CSMD1: variants seen among roughly 807,000 people sequenced by gnomAD.
CSMD1 encodes CUB and sushi domain-containing protein 1.
A neutral mutation model predicts 417.5 loss-of-function variants in CSMD1; 213 were observed. The ratio of observed to expected loss-of-function variants is 0.51; its 90% CI spans 0.46 to 0.57. The LOEUF (loss-of-function observed/expected upper bound fraction) is 0.57. CSMD1 is among the 20% of genes least tolerant of loss of function. The pLI is 0.00. For synonymous variants in CSMD1, 2,862 were observed against 1,736.8 expected (o/e 1.65, Z -16.11); for missense variants, 6,923 against 4,529.7 (o/e 1.53, Z -15.17).
intron 1 of CSMD1, among the ~76,000 whole-genome samples, chr8:4,703,509 A>C (rs1272820336): frequency 6.6e-6 from 1 of 152,214 alleles, no homozygotes; most frequent in East Asian, 1.9e-4. Flanking sequence ...ACTTCATGAA[A>C]GTTATAAAAT....
At chr8:3,167,232 C>T (rs1461580453) in intron 37 of CSMD1, among the ~76,000 whole-genome samples, 1 of 148,326 alleles carries the variant, frequency 6.7e-6, no homozygotes, top group East Asian at 2.0e-4. Flanking sequence ...TTGCAGTGAG[C>T]CGAGATCGCA....
rs958777953 is a variant in CSMD1, at chr8:3,688,784, G to C, written c.1009+19630C>G. Among the ~76,000 whole-genome samples, 7 of 152,056 alleles carry C rather than the reference G, an allele frequency of 4.6e-5. No homozygotes were observed. In the South Asian group the frequency reaches 1.0e-3, roughly 22 times the overall value. On this transcript the variant is annotated intron_variant, in intron 7 of 69. Coordinates refer to ENST00000635120, the MANE Select transcript of CSMD1 (RefSeq NM_033225.6). ...GCATAATACGGATTCTGACATGCTA[G>C]AGTATACTGTAATACTATAGTAAAT...
intron 3 of CSMD1, among the ~76,000 whole-genome samples, 198 bp from the exon 4 acceptor site, chr8:4,032,297 A>G (rs898522092): frequency 1.3e-5 from 2 of 152,260 alleles, no homozygotes; most frequent in Admixed American, 6.5e-5. Context: ...ACACTTTTAT[A>G]AACATCATAA....
At chr8:4,038,910 G>C (rs59044328) in intron 3 of CSMD1, among the ~76,000 whole-genome samples, 218 of 152,184 alleles carry the variant, frequency 1.4e-3, no homozygotes, top group African/African-American at 4.8e-3. Flanking sequence ...AATTCCCTCC[G>C]TAACACTTAA....
intron 2 of CSMD1, among the ~76,000 whole-genome samples, chr8:4,569,757 T>G (rs564695549): frequency 2.4e-4 from 36 of 152,334 alleles, no homozygotes; most frequent in African/African-American, 8.4e-4. Context: ...CAATATTGAT[T>G]CTTTCTATCC....
intron 5 of CSMD1, among the ~76,000 whole-genome samples, chr8:3,906,532 G>C (rs1296826558): frequency 5.4e-5 from 1 of 18,386 alleles, no homozygotes; most frequent in Non-Finnish European, 9.0e-5. Flanking sequence ...ACTGTAAAGA[G>C]TGAAGACAAG....
intron 11 of CSMD1, among the ~76,000 whole-genome samples, chr8:3,473,811 A>G (rs1563072758): frequency 6.6e-6 from 1 of 152,294 alleles, no homozygotes; most frequent in East Asian, 1.9e-4. Context: ...GAGACTGGGT[A>G]ATTTATAAAG....
At chr8:4,928,677 C>A (rs535622844) in intron 1 of CSMD1, among the ~76,000 whole-genome samples, 115 of 152,250 alleles carry the variant, frequency 7.6e-4, no homozygotes, top group African/African-American at 2.7e-3. Context: ...TTTAATTCAG[C>A]TGAATTGTGC....
At chr8:4,619,037 T>A (rs935532717) in intron 2 of CSMD1, among the ~76,000 whole-genome samples, 1 of 152,178 alleles carries the variant, frequency 6.6e-6, no homozygotes, top group South Asian at 2.1e-4. Context: ...TTTACCTATT[T>A]ACTTCTCTGC....
chr8:4,207,606 G>C (rs969206942), intron 3 of CSMD1, among the ~76,000 whole-genome samples: 17 of 152,182 alleles, frequency 1.1e-4, no homozygotes, highest in African/African-American at 4.1e-4. Flanking sequence ...ATTCAATTCA[G>C]TAAGACTGGC....
At chr8:4,429,759 AG>A (rs1343208981) in intron 2 of CSMD1, among the ~76,000 whole-genome samples, 3 of 152,154 alleles carry the variant, frequency 2.0e-5, no homozygotes, top group Non-Finnish European at 2.9e-5. Context: ...CTGAGATTCT[AG>A]AAGTGCTCCA....
intron 10 of CSMD1, among the ~76,000 whole-genome samples, chr8:3,535,228 C>A (rs1041840125): frequency 1.7e-4 from 26 of 152,244 alleles, no homozygotes; most frequent in African/African-American, 5.8e-4. Flanking sequence ...TCTAGGATTA[C>A]AGGCATGAGC....
chr8:4,161,627 T>A (rs1391459301), intron 3 of CSMD1, among the ~76,000 whole-genome samples: 2 of 152,118 alleles, frequency 1.3e-5, no homozygotes, highest in African/African-American at 4.8e-5. Flanking sequence ...ATTTAAAATG[T>A]CAAAAGTTTA....
chr8:4,457,810 A>C (rs1044712669), intron 2 of CSMD1, among the ~76,000 whole-genome samples: 1 of 151,892 alleles, frequency 6.6e-6, no homozygotes, highest in Non-Finnish European at 1.5e-5. Flanking sequence ...GCTTCTCACC[A>C]CCTCAGCACC....
Position 2,993,103 on chromosome 8 carries a change from C to T in CSMD1, c.8377+4908G>A, listed in dbSNP as rs987982356. ...CCAATATCATGTGTTGGAGCTTCAT[C>T]CAGTACTTGTGAATCCCAAAGCAGA... On this transcript the variant is annotated intron_variant, in intron 54 of 69. Transcript: ENST00000635120. Among the ~76,000 whole-genome samples the T allele has an allele frequency of 2.0e-5, 3 of 152,174 alleles. No homozygotes were observed. In the East Asian group the frequency reaches 5.8e-4, roughly 29 times the overall value.
intron 5 of CSMD1, among the ~76,000 whole-genome samples, chr8:3,969,438 G>C (rs997820959): frequency 1.4e-4 from 22 of 152,094 alleles, no homozygotes; most frequent in African/African-American, 4.8e-4. Flanking sequence ...GAGATGGGTG[G>C]TCATGGTCAC....
intron 5 of CSMD1, among the ~76,000 whole-genome samples, chr8:3,992,299 G>C (rs191474407): frequency 3.3e-5 from 5 of 152,026 alleles, no homozygotes; most frequent in African/African-American, 7.2e-5. Flanking sequence ...TGCCTACCTG[G>C]AGTACGCAAG....
At chr8:4,111,197 T>G (rs2130910721) in intron 3 of CSMD1, among the ~76,000 whole-genome samples, 1 of 152,294 alleles carries the variant, frequency 6.6e-6, no homozygotes, top group South Asian at 2.1e-4. Context: ...TTGTTGATAT[T>G]TGTGTTATGT....
At chr8:4,904,236 G>T (rs1007035241) in intron 1 of CSMD1, among the ~76,000 whole-genome samples, 2 of 152,098 alleles carry the variant, frequency 1.3e-5, no homozygotes, top group African/African-American at 4.8e-5. Flanking sequence ...ATCATAGAAA[G>T]CTCCAATTCC....
Sources: allele counts gnomAD v4.1 joint callset (sites outside exome capture counted in the v4.1 genomes callset), GRCh38; gene constraint gnomAD v4.1.1; transcripts MANE v1.5; gene names NCBI Gene and HGNC (gene_info 2026-07-23, HGNC 2026-07-21).